Variants in CPS1 observed in about 807,000 individuals in gnomAD.
CPS1 encodes the protein carbamoyl-phosphate synthase [ammonia], mitochondrial.
In CPS1, 109 loss-of-function variants were observed where a neutral mutation model predicts 174.6. The ratio of observed to expected loss-of-function variants is 0.62; its 90% CI spans 0.53 to 0.73. The LOEUF (loss-of-function observed/expected upper bound fraction) is 0.73. Ranked by LOEUF, CPS1 falls within the 30% of genes least tolerant of loss-of-function variation. The pLI, the probability that CPS1 is intolerant of heterozygous loss-of-function variation, is 0.00. For missense variants in CPS1, 1,689 were observed against 1,821.9 expected (o/e 0.93, Z 1.33); for synonymous variants, 637 against 632.0 (o/e 1.01, Z -0.12).
At chr2:210,499,578 C>T (rs1222727956) in intron 1 of CPS1, among the ~76,000 whole-genome samples, 1 of 152,202 alleles carries the variant, frequency 6.6e-6, no homozygotes, top group African/African-American at 2.4e-5. Flanking sequence ...ACTTTGTATG[C>T]ACTCGGGTTA....
At chr2:210,507,027 C>T (rs190157426) in intron 1 of CPS1, among the ~76,000 whole-genome samples, 38 of 152,166 alleles carry the variant, frequency 2.5e-4, no homozygotes, top group African/African-American at 5.1e-4. Flanking sequence ...ATACAGAGAA[C>T]GCCACAAAGA....
At chr2:210,506,099 C>T (rs1333047145) in intron 1 of CPS1, among the ~76,000 whole-genome samples, 3 of 152,156 alleles carry the variant, frequency 2.0e-5, no homozygotes, top group Non-Finnish European at 2.9e-5. Context: ...CAAGTGGGTG[C>T]TGACCCCCGA....
intron 19 of CPS1, among the ~76,000 whole-genome samples, chr2:210,610,112 G>GAAATGGTATTTGCGTACAA (rs1699059815): frequency 6.6e-6 from 1 of 151,798 alleles, no homozygotes; most frequent in Non-Finnish European, 1.5e-5. Context: ...AAAAGAAATA[G>GAAATGGTATTTGCGTACAA]AACGCAAATA....
At chr2:210,536,814 GAA>G (rs935694958) in intron 1 of CPS1, among the ~76,000 whole-genome samples, 13 of 152,256 alleles carry the variant, frequency 8.5e-5, no homozygotes, top group Admixed American at 7.8e-4. Flanking sequence ...GAGTAAGAGA[GAA>G]AGAGCGTAAG....
chr2:210,661,427 A>G (rs1700918724), intron 32 of CPS1, among the ~76,000 whole-genome samples: 1 of 152,170 alleles, frequency 6.6e-6, no homozygotes, highest in Non-Finnish European at 1.5e-5. Flanking sequence ...ATATTGATAT[A>G]TTTATGTAAA....
chr2:210,649,372 T>C (rs988297157), intron 27 of CPS1, among the ~76,000 whole-genome samples: 30 of 152,222 alleles, frequency 2.0e-4, no homozygotes, highest in Non-Finnish European at 8.8e-5. Context: ...CACTTCTTTT[T>C]CCTTTTTTGC....
At chr2:210,584,446 A>C (rs1489488980) in intron 6 of CPS1, among the ~76,000 whole-genome samples, 1 of 152,162 alleles carries the variant, frequency 6.6e-6, no homozygotes, top group Admixed American at 6.6e-5. Flanking sequence ...TAGAAAATGT[A>C]CATGTGGACG....
chr2:210,517,527 C>A (rs72934342), intron 1 of CPS1, among the ~76,000 whole-genome samples: 13,830 of 151,892 alleles, frequency 0.091, 957 homozygotes, highest in Middle Eastern at 0.2. Context: ...CACCTTGAAT[C>A]GAGGGAAATC....
chr2:210,666,492 T>A (rs1461443497), intron 33 of CPS1, among the ~76,000 whole-genome samples: 8 of 152,130 alleles, frequency 5.3e-5, no homozygotes, highest in Admixed American at 5.2e-4. Flanking sequence ...CCATCTTGAA[T>A]TAATTTTTGT....
intron 1 of CPS1, among the ~76,000 whole-genome samples, chr2:210,535,819 G>GTTTTTTTTT (rs67369344): frequency 9.3e-5 from 11 of 118,182 alleles, no homozygotes; most frequent in South Asian, 2.8e-4. Context: ...CTTTTTCCTT[G>GTTTTTTTTT]TTTTTTTTTT....
chr2:210,600,004 G>A (rs756859926), intron 14 of CPS1, among the ~76,000 whole-genome samples: 3 of 151,686 alleles, frequency 2.0e-5, no homozygotes, highest in Non-Finnish European at 2.9e-5. Flanking sequence ...CTTCTGCTGA[G>A]TCTACTGCTT....
At position 210,658,698 on chromosome 2, in the gene CPS1, G is replaced by A; in HGVS notation, c.3756+10G>A. ...AGGAAATGATGTCTTGGTAAGAAAT[G>A]CCAAGGTGCCTGAGAGGACACCACC... On this transcript the variant is annotated intron_variant, in intron 31 of 37. Transcript: ENST00000233072. 2 of 1,593,824 alleles carry A rather than the reference G, an allele frequency of 1.3e-6. No individual in the cohort carries two copies. The highest frequency in any genetic ancestry group is 2.2e-5 in the South Asian group (2 of 90,668).
At chr2:210,554,235 G>T (rs904820518), upstream of CPS1, among the ~76,000 whole-genome samples, 2 of 133,600 alleles carry the variant, frequency 1.5e-5, no homozygotes, top group Non-Finnish European at 3.2e-5. Context: ...ATATATATAT[G>T]TATGTATATA....
Position 210,513,137 on chromosome 2 carries a change from TATATATATGGGGAG to T in CPS1, c.3+35380_3+35393del, listed in dbSNP as rs1207593078. Among the ~76,000 whole-genome samples, 113 of 143,418 alleles carry T rather than the reference TATATATATGGGGAG, an allele frequency of 7.9e-4. 5 individuals are homozygous for T. Among genetic ancestry groups the T allele is most frequent in the East Asian group, 6.7e-3 (32 of 4,798 alleles). The allele number at this position is 143,418 out of a possible 152,430, so 94.1% of individuals were successfully genotyped here. A position where few individuals can be genotyped will look rare whatever the true frequency, so the allele number is the denominator to read the frequency against. On this transcript the variant is annotated intron_variant, in intron 1 of 38. Transcript: ENST00000430249. ...ATATGGAGATATATATATATGGAGATATATATATGGGGAGATATATATATATGTATGGATATATA... is the reference window on the plus strand; with the variant it reads ...ATATGGAGATATATATATATGGAGATATATATATATATGTATGGATATATA...
intron 19 of CPS1, among the ~76,000 whole-genome samples, chr2:210,608,767 A>G (rs1161442646): frequency 2.0e-5 from 3 of 151,958 alleles, no homozygotes; most frequent in East Asian, 3.9e-4. Flanking sequence ...CATATGTTAC[A>G]TGGCCATTTT....
intron 1 of CPS1, among the ~76,000 whole-genome samples, chr2:210,480,962 A>G (rs1694553333): frequency 6.6e-6 from 1 of 152,226 alleles, no homozygotes; most frequent in Non-Finnish European, 1.5e-5. Flanking sequence ...ACAGATGTAC[A>G]CCAAGCGCAC....
intron 1 of CPS1, among the ~76,000 whole-genome samples, chr2:210,485,215 G>C (rs556496584): frequency 1.4e-5 from 2 of 145,766 alleles, no homozygotes; most frequent in Admixed American, 1.4e-4. Flanking sequence ...CTGGGTGACA[G>C]AGCAAGACTA....
chr2:210,643,883 C>A (rs555326045), intron 25 of CPS1, among the ~76,000 whole-genome samples: 3 of 152,050 alleles, frequency 2.0e-5, no homozygotes, highest in Non-Finnish European at 4.4e-5. Flanking sequence ...GTGCATCCCA[C>A]AAATATTTCT....
intron 1 of CPS1, among the ~76,000 whole-genome samples, chr2:210,563,786 A>C (rs898749296): frequency 3.3e-5 from 5 of 152,216 alleles, no homozygotes; most frequent in African/African-American, 1.2e-4. Flanking sequence ...ATTATGTTTG[A>C]ATTTTGACTG....
Sources: gnomAD v4.1 joint callset for allele counts (sites outside exome capture counted in the v4.1 genomes callset) on GRCh38, gnomAD v4.1.1 for gene constraint, MANE v1.5 for transcripts, NCBI Gene and HGNC (gene_info 2026-07-23, HGNC 2026-07-21) for gene names.